The following DAP3 variants were observed in gnomAD, a reference collection of about 807,000 sequenced individuals.
DAP3 encodes death associated protein 3.
Under a neutral mutation model 51.9 loss-of-function variants are expected in DAP3, and 28 were observed. The ratio of observed to expected loss-of-function variants is 0.54; its 90% confidence interval spans 0.40 to 0.74. The LOEUF is 0.74. DAP3 is among the 30% of genes least tolerant of loss of function. The pLI is 0.00. For synonymous variants in DAP3, 170 were observed against 170.3 expected (o/e 1.00, Z 0.01); for missense variants, 458 against 483.5 (o/e 0.95, Z 0.49).
At chr1:155,733,152 G>C (rs1308082742) in intron 11 of DAP3, among the ~76,000 whole-genome samples, 1 of 152,206 alleles carries the variant, frequency 6.6e-6, no homozygotes, top group African/African-American at 2.4e-5. Context: ...CACTTTTTGG[G>C]GTTGTCTGAG....
At chr1:155,733,254 T>C (rs749934994) in intron 11 of DAP3, among the ~76,000 whole-genome samples, 1 of 152,200 alleles carries the variant, frequency 6.6e-6, no homozygotes, top group Non-Finnish European at 1.5e-5. Context: ...TTACTGGTAA[T>C]GATTTTGGAA....
rs1160612986 is a variant in DAP3, at chr1:155,689,280, G to T, written c.-8+106G>T. 8 of 648,950 alleles carry T rather than the reference G, an allele frequency of 1.2e-5. No individual in the cohort carries two copies. The Admixed American group carries it at 1.5e-4, about 12-fold the overall frequency. 40.2% of individuals were successfully genotyped at this position (648,950 alleles called of 1,614,324 possible). A position where few individuals can be genotyped will look rare whatever the true frequency, so the allele number is the denominator to read the frequency against. ...GGCCGGTAGACCGGCGCGCCTCCGG[G>T]GGGGATTCCTCCCGGGCGTTGAGTT... is the stretch of plus-strand genomic sequence containing the variant. On this transcript the variant is annotated intron_variant, in intron 1 of 12. Transcript: ENST00000368336.
chr1:155,701,153 C>T (rs1468691625), intron 1 of DAP3, among the ~76,000 whole-genome samples: 1 of 116,924 alleles, frequency 8.6e-6, no homozygotes, highest in Non-Finnish European at 1.7e-5. Flanking sequence ...CCCCTCTGCC[C>T]GGCCACCACC....
intron 3 of DAP3, among the ~76,000 whole-genome samples, chr1:155,720,437 G>T (rs1657856391): frequency 6.7e-6 from 1 of 148,732 alleles, no homozygotes. Context: ...GAGGTCGGGA[G>T]TTCAAGACCA....
At chr1:155,719,644 G>A (rs1169164887) in intron 3 of DAP3, among the ~76,000 whole-genome samples, 1 of 151,844 alleles carries the variant, frequency 6.6e-6, no homozygotes, top group Non-Finnish European at 1.5e-5. Flanking sequence ...CACCTCCCGG[G>A]TTCAAGCAGT....
chr1:155,731,524 T>A, intron 10 of DAP3, 109 bp downstream of exon 10: 1 of 1,075,858 alleles, frequency 9.3e-7, no homozygotes, highest in Non-Finnish European at 1.4e-6. Context: ...TTATGGACAG[T>A]AAGTTATTAT....
At chr1:155,701,786 T>C (rs1191419441) in intron 1 of DAP3, among the ~76,000 whole-genome samples, 3 of 150,942 alleles carry the variant, frequency 2.0e-5, no homozygotes, top group Admixed American at 1.3e-4. Flanking sequence ...GAAAAAGGAA[T>C]GGTTTTCTTA....
rs764536960 is a variant in DAP3, at chr1:155,709,742, T to C, written c.-7-31T>C. The C allele has an allele frequency of 1.9e-6, 3 of 1,596,870 alleles. No individual in the cohort carries two copies. In the South Asian group the frequency reaches 3.3e-5, roughly 18 times the overall value. ...CACACATCTTTTCCCATTTGTGGTT[T>C]ACCTTTTCACTTTTTTTTTTTTTGT... On this transcript the variant is annotated intron_variant, in intron 1 of 12. Coordinates refer to ENST00000368336, the MANE Select transcript of DAP3 (RefSeq NM_004632.4).
chr1:155,702,150 A>AT (rs1452346872), intron 1 of DAP3, among the ~76,000 whole-genome samples: 250 of 121,128 alleles, frequency 2.1e-3, no homozygotes, highest in African/African-American at 8.4e-3. Flanking sequence ...GATTCTGCCT[A>AT]TAAAAAAAAA....
intron 1 of DAP3, among the ~76,000 whole-genome samples, chr1:155,695,690 A>G (rs1654428911): frequency 6.6e-6 from 1 of 152,256 alleles, no homozygotes; most frequent in Non-Finnish European, 1.5e-5. Context: ...AGCTTATACA[A>G]CATAAGCTGA....
chr1:155,728,756 A>C (rs551826840), intron 7 of DAP3, among the ~76,000 whole-genome samples: 1 of 151,968 alleles, frequency 6.6e-6, no homozygotes. Flanking sequence ...GCTACTTGGG[A>C]GGCTGAGGCA....
chr1:155,732,723 C>A (rs905951173), intron 11 of DAP3, among the ~76,000 whole-genome samples: 2 of 152,046 alleles, frequency 1.3e-5, no homozygotes, highest in African/African-American at 2.4e-5. Context: ...TAATGTGTTA[C>A]ATTAAGTTGT....
At chr1:155,707,464 A>G (rs72706130) in intron 1 of DAP3, among the ~76,000 whole-genome samples, 2,647 of 152,214 alleles carry the variant, frequency 0.017, 40 homozygotes, top group Middle Eastern at 0.031. Flanking sequence ...TTACATAGAC[A>G]TTTAATTCAG....
rs148003963 is a variant in DAP3 at position 155,697,830 on chromosome 1, G to A, written c.-8+8656G>A. Among the ~76,000 whole-genome samples, 258 of 152,296 alleles carry A rather than the reference G, an allele frequency of 1.7e-3. 1 individual carries two copies. Among genetic ancestry groups the A allele is most frequent in the African/African-American group, 6.0e-3 (249 of 41,556 alleles). ...TCCTAATCCTAGCAAGCCTGAGGGT[G>A]CTGCAGGAGACCAGGGCATATTTCA... On this transcript the variant is annotated intron_variant, in intron 1 of 12. Transcript: ENST00000368336.
At chr1:155,709,951 T>C in intron 2 of DAP3, 127 bp downstream of exon 2, 1 of 792,194 alleles carries the variant, frequency 1.3e-6, no homozygotes. Context: ...CAGGTTTCAG[T>C]AGAATAATTG....
chr1:155,719,843 G>A (rs556426361), intron 3 of DAP3, among the ~76,000 whole-genome samples: 366 of 152,058 alleles, frequency 2.4e-3, no homozygotes, highest in Non-Finnish European at 3.5e-3. Context: ...CACTGCACTC[G>A]GCCAAAAGTT....
intron 2 of DAP3, among the ~76,000 whole-genome samples, chr1:155,716,402 C>T (rs566431133): frequency 6.7e-6 from 1 of 150,270 alleles, no homozygotes; most frequent in Non-Finnish European, 1.5e-5. Context: ...TAAAAATACA[C>T]CTCTACTAAA....
chr1:155,708,265 T>A (rs1656239237), intron 1 of DAP3, among the ~76,000 whole-genome samples: 1 of 152,198 alleles, frequency 6.6e-6, no homozygotes, highest in Non-Finnish European at 1.5e-5. Flanking sequence ...GCCAGGCTGC[T>A]CTTGAACTCC....
At chr1:155,727,524 C>CCATAACTT in intron 6 of DAP3, 84 bp from the exon 7 acceptor site, 1 of 1,445,606 alleles carries the variant, frequency 6.9e-7, no homozygotes, top group South Asian at 1.4e-5. Context: ...AAGTCATTTC[C>CCATAACTT]CATAACTTAA....
Sources: allele counts gnomAD v4.1 joint callset (sites outside exome capture counted in the v4.1 genomes callset), GRCh38; gene constraint gnomAD v4.1.1; transcripts MANE v1.5; gene names NCBI Gene and HGNC (gene_info 2026-07-23, HGNC 2026-07-21).